Variants in TMEM117 observed in about 807,000 individuals in gnomAD.
TMEM117 encodes transmembrane protein 117.
Under a neutral mutation model 52.4 loss-of-function variants are expected in TMEM117, and 27 were observed. The observed-to-expected ratio is 0.51, with a 90% CI of 0.38 to 0.71. The LOEUF (loss-of-function observed/expected upper bound fraction) is 0.71, where lower values mean the gene tolerates loss of function less well. Among genes scored for constraint, TMEM117 ranks in the 30% least tolerant of loss-of-function variants. The pLI is 0.00. For missense variants in TMEM117, 556 were observed against 630.5 expected (o/e 0.88, Z 1.26); for synonymous variants, 215 against 206.3 (o/e 1.04, Z -0.36).
chr12:44,165,015 T>C (rs1948946676), intron 4 of TMEM117, among the ~76,000 whole-genome samples: 1 of 152,118 alleles, frequency 6.6e-6, no homozygotes, highest in South Asian at 2.1e-4. Flanking sequence ...CTAGAACTTA[T>C]TTCTTCTATC....
intron 3 of TMEM117, among the ~76,000 whole-genome samples, chr12:43,965,802 T>C (rs1050118277): frequency 3.9e-5 from 6 of 152,142 alleles, no homozygotes; most frequent in African/African-American, 1.4e-4. Context: ...GTTTGTTACA[T>C]GGTATTGCGT....
Position 43,970,567 on chromosome 12 carries a change from C to T in TMEM117, c.410+26225C>T, listed in dbSNP as rs549494773. ...CCTCTCAAAGTGCTGGGATTACAGA[C>T]ATGAGCCACTGCACCTGGCCTGCTC... On this transcript the variant is annotated intron_variant, in intron 3 of 7. Coordinates refer to ENST00000266534, the MANE Select transcript of TMEM117 (RefSeq NM_032256.3). 1.6e-4 allele frequency among the ~76,000 whole-genome samples: 25 copies of T among 152,302 alleles called. No homozygotes were observed. The South Asian group carries it at 3.5e-3, about 21-fold the overall frequency.
At chr12:44,097,446 CA>C (rs1191768975) in intron 3 of TMEM117, among the ~76,000 whole-genome samples, 4 of 151,934 alleles carry the variant, frequency 2.6e-5, no homozygotes, top group African/African-American at 7.3e-5. Context: ...TTCACAATAG[CA>C]AAGACTTGGA....
chr12:44,211,329 T>C lies in TMEM117; in HGVS notation c.550T>C (p.Trp184Arg), dbSNP rs1421067876. ...GCTTCAGGACAAACCCTATCCTGAC[T>C]GGGGAAAATCAGCAAGAGCTTTCTG... The part of the protein sequence containing the change: ...MMLQDKPYPD[W>R]GKSARAFWKK... Residue 184 changes from tryptophan to arginine, a missense_variant, in exon 5 of 8, where the codon TGG becomes CGG. This residue lies in a region of TMEM117 where 328 missense variants were observed against 371.4 expected (regional missense o/e 0.88). Coordinates refer to ENST00000266534, the MANE Select transcript of TMEM117 (RefSeq NM_032256.3). 1.2e-6 allele frequency: 2 copies of C among 1,612,580 alleles called. No homozygotes were observed. The highest frequency in any genetic ancestry group is 1.7e-6 in the Non-Finnish European group (2 of 1,179,314).
At chr12:44,346,749 T>C (rs1469816623) in intron 6 of TMEM117, among the ~76,000 whole-genome samples, 5 of 152,068 alleles carry the variant, frequency 3.3e-5, no homozygotes, top group African/African-American at 7.2e-5. Flanking sequence ...CAGAGTTGAG[T>C]GCTTCCTCTG....
At chr12:43,927,083 T>C (rs1402894703) in intron 2 of TMEM117, among the ~76,000 whole-genome samples, 1 of 152,058 alleles carries the variant, frequency 6.6e-6, no homozygotes, top group Non-Finnish European at 1.5e-5. Flanking sequence ...CTATTTTTGT[T>C]GCATTCCAAA....
intron 4 of TMEM117, among the ~76,000 whole-genome samples, chr12:44,155,112 A>G (rs1344003810): frequency 6.6e-6 from 1 of 152,100 alleles, no homozygotes. Flanking sequence ...ACATTTTGAG[A>G]TAAAAAAACT....
chr12:43,883,894 T>C (rs371864378), intron 2 of TMEM117, among the ~76,000 whole-genome samples: 1 of 152,004 alleles, frequency 6.6e-6, no homozygotes, highest in South Asian at 2.1e-4. Context: ...CTCAACACTT[T>C]GGGAGGCTGA....
chr12:44,056,777 T>C lies in TMEM117; in HGVS notation c.411-86748T>C, dbSNP rs75862734. ...CTCTCTCTCTCTGTCTCTCTGTCTT[T>C]CTCTGTGTATAACATATATTTTATG... is the stretch of plus-strand genomic sequence containing the variant. On this transcript the variant is annotated intron_variant, in intron 3 of 7. Coordinates refer to ENST00000266534, the MANE Select transcript of TMEM117 (RefSeq NM_032256.3). 1.3e-3 allele frequency among the ~76,000 whole-genome samples: 197 copies of C among 152,330 alleles called. 5 individuals carry two copies. The East Asian group carries it at 0.024, about 18-fold the overall frequency.
At chr12:44,390,254 A>G (rs141892327), downstream of TMEM117, among the ~76,000 whole-genome samples, 745 of 151,802 alleles carry the variant, frequency 4.9e-3, 2 homozygotes, top group African/African-American at 0.017. Context: ...CAAGCTCACT[A>G]TAGTAACCCA....
chr12:44,335,165 T>C (rs1242376663), intron 6 of TMEM117, among the ~76,000 whole-genome samples: 1 of 151,980 alleles, frequency 6.6e-6, no homozygotes, highest in Non-Finnish European at 1.5e-5. Context: ...TGATTGTCAG[T>C]GGAAACTAAC....
At chr12:44,340,155 G>C (rs1430956339) in intron 6 of TMEM117, among the ~76,000 whole-genome samples, 1 of 152,086 alleles carries the variant, frequency 6.6e-6, no homozygotes, top group Non-Finnish European at 1.5e-5. Flanking sequence ...AGTAACCTTT[G>C]AGACACTGGC....
intron 2 of TMEM117, among the ~76,000 whole-genome samples, chr12:43,882,026 C>G (rs748768465): frequency 6.1e-4 from 92 of 151,444 alleles, no homozygotes; most frequent in African/African-American, 2.0e-3. Context: ...GAGCCCAGAT[C>G]GAGCCACTGC....
At chr12:43,829,134 TC>T in the TMEM117 span, among the ~76,000 whole-genome samples, 1 of 152,136 alleles carries the variant, frequency 6.6e-6, no homozygotes, top group Non-Finnish European at 1.5e-5. Flanking sequence ...ATTTCTTTCT[TC>T]CCCCATTACT....
At chr12:44,285,132 G>A (rs1950622974) in intron 5 of TMEM117, among the ~76,000 whole-genome samples, 1 of 152,124 alleles carries the variant, frequency 6.6e-6, no homozygotes. Context: ...ATTACAATCT[G>A]AGTGACCAAA....
At chr12:44,149,291 A>T (rs1409710425) in intron 4 of TMEM117, among the ~76,000 whole-genome samples, 1 of 152,240 alleles carries the variant, frequency 6.6e-6, no homozygotes, top group Non-Finnish European at 1.5e-5. Context: ...ATTACTACGT[A>T]AGATAGAAAA....
At chr12:44,391,460 A>AT (rs1228743686), downstream of TMEM117, among the ~76,000 whole-genome samples, 2 of 151,978 alleles carry the variant, frequency 1.3e-5, no homozygotes, top group East Asian at 1.9e-4. Flanking sequence ...CCAGGTACAA[A>AT]TTTTTTTTAT....
intron 3 of TMEM117, among the ~76,000 whole-genome samples, chr12:43,977,952 G>A (rs1452853337): frequency 6.6e-6 from 1 of 152,182 alleles, no homozygotes; most frequent in East Asian, 1.9e-4. Context: ...TTAGTTTTCT[G>A]AATTCAGGGA....
intron 3 of TMEM117, among the ~76,000 whole-genome samples, chr12:44,134,936 G>A (rs1948467995): frequency 2.0e-5 from 3 of 152,030 alleles, no homozygotes; most frequent in Non-Finnish European, 4.4e-5. Context: ...TCCCAGGAAG[G>A]CATTGGAATT....
Sources: gnomAD v4.1 joint callset for allele counts (sites outside exome capture counted in the v4.1 genomes callset) on GRCh38, gnomAD v4.1.1 for gene constraint, gnomAD v4.1.1 regional missense constraint, MANE v1.5 for transcripts, NCBI Gene and HGNC (gene_info 2026-07-23, HGNC 2026-07-21) for gene names.